The following CCNY variants were observed in gnomAD, a reference collection of about 807,000 sequenced individuals.
CCNY encodes cyclin Y.
CCNY carries 19 observed loss-of-function variants against 42.8 expected under a neutral mutation model. The observed-to-expected ratio is 0.44, with a 90% CI of 0.31 to 0.65. The LOEUF (loss-of-function observed/expected upper bound fraction) is 0.65. Ranked by LOEUF, CCNY falls within the 30% of genes least tolerant of loss-of-function variation. The probability of loss-of-function intolerance (pLI) is 0.07; values close to 1 mark genes in which losing one functional copy is unlikely to be tolerated. For synonymous variants in CCNY, 165 were observed against 162.7 expected (o/e 1.01, Z -0.11); for missense variants, 370 against 437.3 (o/e 0.85, Z 1.37).
chr10:35,504,152 G>C (rs1564437695), intron 3 of CCNY, among the ~76,000 whole-genome samples: 1 of 152,140 alleles, frequency 6.6e-6, no homozygotes, highest in Non-Finnish European at 1.5e-5. Flanking sequence ...CCTACAAAGA[G>C]GCTACTATTT....
intron 3 of CCNY, among the ~76,000 whole-genome samples, chr10:35,296,494 T>C (rs1201571522): frequency 6.6e-6 from 1 of 152,144 alleles, no homozygotes; most frequent in East Asian, 1.9e-4. Flanking sequence ...GACAGGAGAA[T>C]TGCTTGAATC....
At position 35,526,084 on chromosome 10, in the gene CCNY, C is replaced by A. The variant is rs1840646602; in HGVS notation, c.401+85C>A. 5.1e-6 allele frequency: 6 copies of A among 1,175,462 alleles called. No individual in the cohort carries two copies. The South Asian group carries it at 6.9e-5, about 14-fold the overall frequency. The allele number at this position is 1,175,462 out of a possible 1,614,324, so 72.8% of individuals were successfully genotyped here. A position where few individuals can be genotyped will look rare whatever the true frequency, so the allele number is the denominator to read the frequency against. ...TTTTTTCATATTCTAGTTGCTTAAA[C>A]CTTTGAATTATACTTTCTTAACTCA... On this transcript the variant is annotated intron_variant, in intron 5 of 9. Coordinates refer to ENST00000374704, the MANE Select transcript of CCNY (RefSeq NM_145012.6).
chr10:35,287,378 G>A (rs1204486484), intron 3 of CCNY, among the ~76,000 whole-genome samples: 1 of 152,026 alleles, frequency 6.6e-6, no homozygotes, highest in African/African-American at 2.4e-5. Context: ...CCCATTTTAA[G>A]CATACAGTAA....
intron 3 of CCNY, among the ~76,000 whole-genome samples, chr10:35,309,893 C>CA (rs1208854822): frequency 1.3e-5 from 2 of 152,056 alleles, no homozygotes; most frequent in Admixed American, 6.6e-5. Flanking sequence ...CTCCACCTCC[C>CA]AGGTTCACGC....
At chr10:35,431,856 A>T (rs376479681) in intron 1 of CCNY, among the ~76,000 whole-genome samples, 2 of 151,990 alleles carry the variant, frequency 1.3e-5, no homozygotes, top group East Asian at 3.9e-4. Context: ...TTTTTCTCCT[A>T]GCCTCTAAAC....
At chr10:35,550,988 G>C (rs1841244786) in intron 7 of CCNY, among the ~76,000 whole-genome samples, 1 of 152,088 alleles carries the variant, frequency 6.6e-6, no homozygotes, top group Non-Finnish European at 1.5e-5. Context: ...GGCATCCGCT[G>C]GGACATTTCA....
intron 3 of CCNY, among the ~76,000 whole-genome samples, chr10:35,317,199 C>T (rs183516411): frequency 7.2e-5 from 11 of 152,254 alleles, no homozygotes; most frequent in Non-Finnish European, 1.5e-4. Flanking sequence ...CTGTGTCACC[C>T]AGGCTGGTCT....
chr10:35,475,404 C>A (rs1205556871), intron 1 of CCNY, among the ~76,000 whole-genome samples: 1 of 151,992 alleles, frequency 6.6e-6, no homozygotes, highest in Non-Finnish European at 1.5e-5. Flanking sequence ...TCGGGTTACC[C>A]TCAAAGGGAA....
chr10:35,484,937 G>A (rs1368418584), intron 2 of CCNY, among the ~76,000 whole-genome samples: 1 of 152,158 alleles, frequency 6.6e-6, no homozygotes, highest in Non-Finnish European at 1.5e-5. Flanking sequence ...CTAAGTCAGG[G>A]TTGTTCCAGA....
chr10:35,426,105 G>GCACACACACACACA (rs1356511719), intron 1 of CCNY, among the ~76,000 whole-genome samples: 2 of 57,970 alleles, frequency 3.5e-5, no homozygotes, highest in Non-Finnish European at 4.1e-5. Context: ...CACTGGTCCA[G>GCACACACACACACA]CACGCGCACA....
chr10:35,518,130 T>C (rs1343338415), intron 4 of CCNY, among the ~76,000 whole-genome samples: 2 of 152,206 alleles, frequency 1.3e-5, no homozygotes, highest in Non-Finnish European at 2.9e-5. Flanking sequence ...AACACTTTCA[T>C]CCTTGGACCA....
At chr10:35,351,250 T>C (rs909127388) in intron 1 of CCNY, among the ~76,000 whole-genome samples, 2 of 152,144 alleles carry the variant, frequency 1.3e-5, no homozygotes, top group Non-Finnish European at 2.9e-5. Flanking sequence ...TTATTTGGAG[T>C]TGTGAAAATG....
At chr10:35,492,614 T>G (rs974637356) in intron 2 of CCNY, among the ~76,000 whole-genome samples, 2 of 152,268 alleles carry the variant, frequency 1.3e-5, no homozygotes, top group Non-Finnish European at 2.9e-5. Flanking sequence ...GGATTGCATC[T>G]TGCTCATGGA....
At chr10:35,253,513 A>G (rs1408616667) in intron 3 of CCNY, among the ~76,000 whole-genome samples, 1 of 144,238 alleles carries the variant, frequency 6.9e-6, no homozygotes. Context: ...TCTGACTTTA[A>G]GCCATCCTCC....
At chr10:35,498,064 A>C (rs1840037947) in intron 2 of CCNY, among the ~76,000 whole-genome samples, 3 of 152,154 alleles carry the variant, frequency 2.0e-5, no homozygotes, top group Admixed American at 2.0e-4. Context: ...AGTACAGGGA[A>C]GAGGTGCACA....
At chr10:35,443,970 A>G (rs1026803183) in intron 1 of CCNY, among the ~76,000 whole-genome samples, 1 of 149,800 alleles carries the variant, frequency 6.7e-6, no homozygotes, top group Non-Finnish European at 1.5e-5. Context: ...CATAGGGTGG[A>G]CGTGTCAGAC....
intron 1 of CCNY, among the ~76,000 whole-genome samples, chr10:35,435,355 A>G (rs896324663): frequency 1.3e-4 from 20 of 152,316 alleles, no homozygotes; most frequent in African/African-American, 4.3e-4. Flanking sequence ...GAAATAAGAT[A>G]GGATGTACAT....
rs1032817033 is a variant in CCNY at position 35,483,295 on chromosome 10, A to G, written c.155-109A>G. The G allele has an allele frequency of 4.2e-6, 3 of 713,188 alleles. No homozygotes were observed. In the African/African-American group the frequency reaches 5.5e-5, roughly 13 times the overall value. 44.2% of individuals were successfully genotyped at this position (713,188 alleles called of 1,614,324 possible). ...TAACATAATAGCTATAGGTTTCCAG[A>G]ATCCTTGAATGTATTAGCAATTTAA... is the stretch of plus-strand genomic sequence containing the variant. On this transcript the variant is annotated intron_variant, in intron 1 of 9. Coordinates refer to ENST00000374704, the MANE Select transcript of CCNY (RefSeq NM_145012.6).
Position 35,431,271 on chromosome 10 carries a change from A to G in CCNY, c.155-52133A>G, listed in dbSNP as rs997931340. ...TTTTCCACCCATGCTTGATCTTGGA[A>G]GTGAAATTGCTCACACTTGGAAGCA... On this transcript the variant is annotated intron_variant, in intron 1 of 9. Coordinates refer to ENST00000374704, the MANE Select transcript of CCNY (RefSeq NM_145012.6). Among the ~76,000 whole-genome samples the G allele has an allele frequency of 4.0e-5, 6 of 150,712 alleles. 1 individual carries two copies. The highest frequency in any genetic ancestry group is 4.0e-4 in the Admixed American group (6 of 15,136).
Sources: allele counts gnomAD v4.1 joint callset (sites outside exome capture counted in the v4.1 genomes callset), GRCh38; gene constraint gnomAD v4.1.1; transcripts MANE v1.5; gene names NCBI Gene and HGNC (gene_info 2026-07-23, HGNC 2026-07-21).